PIR: variants seen among roughly 807,000 people sequenced by gnomAD.
PIR encodes pirin (iron-binding nuclear protein).
Under a neutral mutation model 24.2 loss-of-function variants are expected in PIR, and 22 were observed. That is an observed-to-expected ratio of 0.91 (90% CI 0.65 to 1.30). PIR has a LOEUF of 1.30. Ranked by LOEUF, PIR falls within the 50% of genes most tolerant of loss-of-function variation. The pLI, the probability that PIR is intolerant of heterozygous loss-of-function variation, is 0.00. For missense variants in PIR, 220 were observed against 220.3 expected (o/e 1.00, Z 0.01); for synonymous variants, 80 against 79.6 (o/e 1.00, Z -0.03).
chrX:15,421,418 G>C (rs1422388990), intron 6 of PIR, among the ~76,000 whole-genome samples: 4 of 110,643 alleles, frequency 3.6e-5, no homozygotes, highest in Non-Finnish European at 5.7e-5. Flanking sequence ...GAATAAATGA[G>C]AGAAGACCCA....
At chrX:15,385,721 AAC>A (rs1205009119) in intron 9 of PIR, among the ~76,000 whole-genome samples, 1 of 112,269 alleles carries the variant, frequency 8.9e-6, no homozygotes, top group African/African-American at 3.2e-5. Flanking sequence ...TTGTGGGTCA[AAC>A]AGTGTCTGTC....
At chrX:15,459,856 C>G (rs1396916351) in intron 3 of PIR, 116 bp from the exon 4 acceptor site, 2 of 395,781 alleles carry the variant, frequency 5.1e-6, no homozygotes, top group Non-Finnish European at 9.1e-6. Context: ...AACTTAATCC[C>G]TTATTGGATA....
chrX:15,465,849 T>C (rs1311471445), intron 3 of PIR, among the ~76,000 whole-genome samples: 1 of 111,939 alleles, frequency 8.9e-6, no homozygotes, highest in African/African-American at 3.3e-5. Flanking sequence ...TAATATAGTT[T>C]GTTGTTTCTT....
At chrX:15,410,327 T>C (rs1234051323) in intron 6 of PIR, among the ~76,000 whole-genome samples, 1 of 112,241 alleles carries the variant, frequency 8.9e-6, no homozygotes, top group African/African-American at 3.2e-5. Flanking sequence ...TACCTTTCCA[T>C]GTCAAAACAT....
chrX:15,409,424 T>C (rs1393856736), intron 6 of PIR, among the ~76,000 whole-genome samples: 1 of 111,412 alleles, frequency 9.0e-6, no homozygotes, highest in Non-Finnish European at 1.9e-5. Context: ...CCGAGCTTTG[T>C]CTACCATCAT....
chrX:15,471,530 T>C (rs1348071992), intron 3 of PIR, among the ~76,000 whole-genome samples: 1 of 111,623 alleles, frequency 9.0e-6, no homozygotes, highest in African/African-American at 3.3e-5. Flanking sequence ...TTAGACCCTA[T>C]AATACTCCTC....
At chrX:15,454,813 CT>C (rs1921020843) in intron 5 of PIR, among the ~76,000 whole-genome samples, 2 of 112,040 alleles carry the variant, frequency 1.8e-5, no homozygotes, top group African/African-American at 6.5e-5. Flanking sequence ...CCTCAGATCC[CT>C]TTTAACCATT....
chrX:15,468,155 G>C (rs1183877377), intron 3 of PIR, among the ~76,000 whole-genome samples: 9 of 112,544 alleles, frequency 8.0e-5, no homozygotes. Flanking sequence ...TTGCTTAAGA[G>C]AGCCCTCTGC....
chrX:15,438,478 C>T (rs1008489379), intron 5 of PIR, among the ~76,000 whole-genome samples: 3 of 112,327 alleles, frequency 2.7e-5, no homozygotes, highest in African/African-American at 9.7e-5. Flanking sequence ...GGAGCCAGAC[C>T]ATCCAGTTAG....
At chrX:15,473,955 G>A (rs1776936916) in intron 3 of PIR, among the ~76,000 whole-genome samples, 1 of 112,323 alleles carries the variant, frequency 8.9e-6, no homozygotes, top group South Asian at 3.6e-4. Context: ...ATAGAAGTAG[G>A]GTTACTGGGT....
intron 6 of PIR, among the ~76,000 whole-genome samples, chrX:15,418,817 A>AG (rs1201344240): frequency 8.9e-6 from 1 of 111,885 alleles, no homozygotes; most frequent in Non-Finnish European, 1.9e-5. Flanking sequence ...TCCCAGTATC[A>AG]GGGAGAGGAT....
chrX:15,386,889 T>C (rs12008116), intron 9 of PIR, among the ~76,000 whole-genome samples: 1,423 of 109,668 alleles, frequency 0.013, 24 homozygotes, highest in African/African-American at 0.045. Flanking sequence ...TAGGGAGTAA[T>C]ATAATATGAT....
At chrX:15,425,700 G>A (rs1231640228) in intron 6 of PIR, among the ~76,000 whole-genome samples, 3 of 112,176 alleles carry the variant, frequency 2.7e-5, no homozygotes, top group Non-Finnish European at 5.6e-5. Context: ...GTGAGCCACC[G>A]TGCCCGGCCT....
intron 1 of PIR, among the ~76,000 whole-genome samples, chrX:15,492,481 A>T (rs1345542594): frequency 8.9e-6 from 1 of 112,215 alleles, no homozygotes; most frequent in Non-Finnish European, 1.9e-5. Context: ...GTTTGCAGAC[A>T]GTACCCCCAA....
chrX:15,426,531 T>C (rs891327596), intron 5 of PIR, among the ~76,000 whole-genome samples: 3 of 112,349 alleles, frequency 2.7e-5, no homozygotes, highest in Admixed American at 1.9e-4. Flanking sequence ...TTTTCCATTA[T>C]AAACAGTAAC....
chrX:15,410,607 T>C (rs1924712762), intron 6 of PIR, among the ~76,000 whole-genome samples: 1 of 112,088 alleles, frequency 8.9e-6, no homozygotes, highest in Non-Finnish European at 1.9e-5. Context: ...GATCTGTTTT[T>C]TTTCCTTTTT....
chrX:15,452,574 A>C (rs1265635980), intron 5 of PIR, among the ~76,000 whole-genome samples: 2 of 112,363 alleles, frequency 1.8e-5, no homozygotes, highest in Non-Finnish European at 3.8e-5. Flanking sequence ...ACTGAGGTCC[A>C]GAAAAGCTAA....
At chrX:15,473,996 A>G (rs1169549485) in intron 3 of PIR, among the ~76,000 whole-genome samples, 1 of 112,498 alleles carries the variant, frequency 8.9e-6, no homozygotes, top group Non-Finnish European at 1.9e-5. Context: ...CTAGGGAATT[A>G]TATCGGGTTC....
rs771575879 is a variant in PIR, at chrX:15,453,516, C to T, written c.480+2332G>A. Among the ~76,000 whole-genome samples the T allele has an allele frequency of 4.5e-5, 5 of 111,928 alleles. No homozygotes were observed. The East Asian group carries it at 1.4e-3, about 32-fold the overall frequency. On this transcript the variant is annotated intron_variant, in intron 5 of 9. Transcript: ENST00000380420. ...GTCCATGCAGGTAACCACTGCACCA[C>T]GCTGCCTCTTGAAATCTAAATTAAT...
Sources: allele counts gnomAD v4.1 joint callset (sites outside exome capture counted in the v4.1 genomes callset), GRCh38; gene constraint gnomAD v4.1.1; transcripts MANE v1.5; gene names NCBI Gene and HGNC (gene_info 2026-07-23, HGNC 2026-07-21).